Variants in PTPN3 observed in about 807,000 individuals in gnomAD.
PTPN3 encodes the protein tyrosine-protein phosphatase non-receptor type 3.
Under a neutral mutation model 132.7 loss-of-function variants are expected in PTPN3, and 96 were observed. The observed-to-expected ratio is 0.72, with a 90% CI of 0.61 to 0.86. The LOEUF (loss-of-function observed/expected upper bound fraction) is 0.86. Ranked by LOEUF, PTPN3 falls within the 40% of genes least tolerant of loss-of-function variation. PTPN3 has a pLI of 0.00. For synonymous variants in PTPN3, 398 were observed against 429.0 expected (o/e 0.93, Z 0.89); for missense variants, 1,125 against 1,159.6 (o/e 0.97, Z 0.43).
intron 1 of PTPN3, among the ~76,000 whole-genome samples, chr9:109,495,377 T>G (rs1338498010): frequency 6.6e-6 from 1 of 151,680 alleles, no homozygotes; most frequent in East Asian, 1.9e-4. Flanking sequence ...ACCCGGAGGG[T>G]TGGGGAAAGG....
At chr9:109,408,794 A>ATATATATATATATATATAT (rs373957307) in intron 16 of PTPN3, among the ~76,000 whole-genome samples, 2 of 87,374 alleles carry the variant, frequency 2.3e-5, no homozygotes, top group African/African-American at 1.1e-4. Context: ...AAAAAAAAAA[A>ATATATATATATATATATAT]AAATATATAT....
chr9:109,460,429 A>G (rs1486908988), intron 2 of PTPN3, among the ~76,000 whole-genome samples: 1 of 151,862 alleles, frequency 6.6e-6, no homozygotes, highest in Non-Finnish European at 1.5e-5. Flanking sequence ...TTTCCACCTC[A>G]TGTAGGAAAA....
chr9:109,534,078 T>G, the PTPN3 span: 1 of 773,894 alleles, frequency 1.3e-6, no homozygotes, highest in Non-Finnish European at 2.4e-6. Context: ...GGGGTACAAA[T>G]GTATCTTCCT....
chr9:109,391,253 C>G, intron 20 of PTPN3, 54 bp from the exon 21 acceptor site: 2 of 1,531,194 alleles, frequency 1.3e-6, no homozygotes, highest in Non-Finnish European at 1.8e-6. Flanking sequence ...TTTATCATAC[C>G]AAGTAAACCA....
At chr9:109,478,007 G>T (rs1304333553) in intron 1 of PTPN3, among the ~76,000 whole-genome samples, 1 of 152,228 alleles carries the variant, frequency 6.6e-6, no homozygotes, top group Non-Finnish European at 1.5e-5. Flanking sequence ...GGCAACCTGG[G>T]TGTAGCAGGG....
chr9:109,428,748 C>G lies in PTPN3; in HGVS notation c.765-64G>C, dbSNP rs559921123. On this transcript the variant is annotated intron_variant, in intron 10 of 25. Transcript: ENST00000374541. ...GGGATCGGCCAGGTTGAAGCTGATG[C>G]CTCTCAATGCATGTCCTTTACTCCA... 5.1e-6 allele frequency: 8 copies of G among 1,554,344 alleles called. No homozygotes were observed. In the South Asian group the frequency reaches 8.4e-5, roughly 16 times the overall value.
At chr9:109,450,041 T>G in intron 5 of PTPN3, 1 of 983,646 alleles carries the variant, frequency 1.0e-6, no homozygotes, top group Non-Finnish European at 1.2e-6. Flanking sequence ...ATATGTGAGG[T>G]CAATTGTGTC....
At position 109,376,491 on chromosome 9, in the gene PTPN3, T is replaced by A. The variant is rs1838570845; in HGVS notation, c.*3065A>T. The A allele has an allele frequency of 6.6e-6, 1 of 152,198 alleles. No homozygotes were observed. Among genetic ancestry groups the A allele is most frequent in the African/African-American group, 2.4e-5 (1 of 41,432 alleles). 9.4% of individuals were successfully genotyped at this position (152,198 alleles called of 1,614,324 possible). ...ACTGTGTGATCCAACCACTGCCCCCTAACCAAAGTTGCATTTTTTTCTTCT... is the reference window on the plus strand; with the variant it reads ...ACTGTGTGATCCAACCACTGCCCCCAAACCAAAGTTGCATTTTTTTCTTCT... On this transcript the variant is annotated 3_prime_UTR_variant, in exon 26 of 26. Transcript: ENST00000374541.
At chr9:109,436,626 C>G (rs1342318609) in intron 9 of PTPN3, among the ~76,000 whole-genome samples, 2 of 151,940 alleles carry the variant, frequency 1.3e-5, no homozygotes, top group African/African-American at 4.8e-5. Flanking sequence ...ATAAAATGGT[C>G]TTACAAAAAT....
chr9:109,395,470 A>C lies in PTPN3; in HGVS notation c.1954-3909T>G, dbSNP rs144632206. On this transcript the variant is annotated intron_variant, in intron 19 of 25. Coordinates refer to ENST00000374541, the MANE Select transcript of PTPN3 (RefSeq NM_002829.4). ...GCAACTTAGTAGAAACAGAATTTAA[A>C]CATTTAGTTTCCTAAGTGTTGAGAG... 9.3e-4 allele frequency among the ~76,000 whole-genome samples: 141 copies of C among 152,198 alleles called. 2 individuals are homozygous for C. The highest frequency in any genetic ancestry group is 3.3e-3 in the African/African-American group (135 of 41,536).
intron 13 of PTPN3, 58 bp downstream of exon 13, chr9:109,422,660 A>T: frequency 6.7e-7 from 1 of 1,490,694 alleles, no homozygotes; most frequent in Non-Finnish European, 9.1e-7. Context: ...TTTTATTTTT[A>T]AAAGAGATAA....
At chr9:109,506,662 G>T in the PTPN3 span, among the ~76,000 whole-genome samples, 1 of 149,390 alleles carries the variant, frequency 6.7e-6, no homozygotes, top group Non-Finnish European at 1.5e-5. Context: ...GAGTGCAGAG[G>T]TACATTCTCA....
the PTPN3 span, among the ~76,000 whole-genome samples, chr9:109,526,640 A>T: frequency 2.0e-5 from 3 of 152,154 alleles, no homozygotes; most frequent in Non-Finnish European, 4.4e-5. Flanking sequence ...ATGCCACTGC[A>T]CTCCAGCGTA....
intron 13 of PTPN3, 84 bp from the exon 14 acceptor site, chr9:109,420,684 C>A: frequency 2.2e-6 from 3 of 1,371,126 alleles, no homozygotes; most frequent in South Asian, 1.4e-5. Context: ...ACCTCGTGTC[C>A]TGACCTTTCT....
intron 19 of PTPN3, among the ~76,000 whole-genome samples, chr9:109,393,741 A>G (rs995801199): frequency 6.6e-6 from 1 of 152,130 alleles, no homozygotes; most frequent in Admixed American, 6.5e-5. Context: ...CATCCTTAAT[A>G]AAGATGTGTT....
At chr9:109,380,181 A>G (rs559259113) in intron 25 of PTPN3, among the ~76,000 whole-genome samples, 1 of 152,240 alleles carries the variant, frequency 6.6e-6, no homozygotes, top group Admixed American at 6.5e-5. Flanking sequence ...AGGGGGGATA[A>G]AAGCATTTAG....
At chr9:109,476,122 C>T (rs948353568) in intron 1 of PTPN3, among the ~76,000 whole-genome samples, 2 of 152,124 alleles carry the variant, frequency 1.3e-5, no homozygotes, top group Non-Finnish European at 2.9e-5. Context: ...ATCCAGGGGG[C>T]CATCTCAGGT....
intron 19 of PTPN3, among the ~76,000 whole-genome samples, chr9:109,402,557 G>A (rs1383362146): frequency 2.0e-5 from 3 of 152,004 alleles, no homozygotes; most frequent in Non-Finnish European, 4.4e-5. Context: ...GGGATTATAG[G>A]TGTGAGCCAC....
chr9:109,426,027 A>G (rs934624394), intron 12 of PTPN3, among the ~76,000 whole-genome samples: 2 of 150,930 alleles, frequency 1.3e-5, no homozygotes, highest in African/African-American at 4.8e-5. Flanking sequence ...AAAAAAAAAA[A>G]AAGAAAAGAA....
Sources: allele counts gnomAD v4.1 joint callset (sites outside exome capture counted in the v4.1 genomes callset), GRCh38; gene constraint gnomAD v4.1.1; transcripts MANE v1.5; gene names NCBI Gene and HGNC (gene_info 2026-07-23, HGNC 2026-07-21).